KLHL22: variants seen among roughly 807,000 people sequenced by gnomAD.
KLHL22 encodes kelch-like protein 22.
Under a neutral mutation model 60.7 loss-of-function variants are expected in KLHL22, and 18 were observed. That is an observed-to-expected ratio of 0.30 (90% CI 0.20 to 0.44). The LOEUF is 0.44. Ranked by LOEUF, KLHL22 falls within the 20% of genes least tolerant of loss-of-function variation. The pLI, the probability that KLHL22 is intolerant of heterozygous loss-of-function variation, is 1.00. For synonymous variants in KLHL22, 355 were observed against 354.5 expected (o/e 1.00, Z -0.01); for missense variants, 596 against 852.3 (o/e 0.70, Z 3.74).
At chr22:20,494,398 A>G (rs2053737892) in intron 1 of KLHL22, among the ~76,000 whole-genome samples, 1 of 151,686 alleles carries the variant, frequency 6.6e-6, no homozygotes, top group Non-Finnish European at 1.5e-5. Flanking sequence ...TTTTCTTTGT[A>G]GAGAAGAGGT....
At chr22:20,470,226 T>C (rs1052003806) in intron 3 of KLHL22, among the ~76,000 whole-genome samples, 9 of 151,862 alleles carry the variant, frequency 5.9e-5, no homozygotes, top group African/African-American at 4.8e-5. Flanking sequence ...GCACGCATCT[T>C]TAGTCCCAGC....
At chr22:20,479,157 G>A (rs927370692) in intron 2 of KLHL22, among the ~76,000 whole-genome samples, 10 of 151,298 alleles carry the variant, frequency 6.6e-5, no homozygotes, top group Non-Finnish European at 1.0e-4. Context: ...TTTGGCTCAC[G>A]GCAGCCTCAA....
chr22:20,468,773 C>A (rs2053271248), intron 3 of KLHL22, among the ~76,000 whole-genome samples: 1 of 152,130 alleles, frequency 6.6e-6, no homozygotes, highest in Non-Finnish European at 1.5e-5. Context: ...GATTCTCCCA[C>A]CTCAGCCTCC....
chr22:20,485,805 T>C (rs2053575467), intron 2 of KLHL22, among the ~76,000 whole-genome samples: 1 of 151,398 alleles, frequency 6.6e-6, no homozygotes, highest in South Asian at 2.1e-4. Context: ...GAGGCAGAGG[T>C]TGCAGTGAGC....
At chr22:20,494,093 A>C in intron 1 of KLHL22, among the ~76,000 whole-genome samples, 1 of 145,860 alleles carries the variant, frequency 6.9e-6, no homozygotes. Context: ...CCAAAAAAAA[A>C]AGTGCAAAGT....
At chr22:20,483,787 T>C (rs528615525) in intron 2 of KLHL22, 3 of 744,478 alleles carry the variant, frequency 4.0e-6, no homozygotes, top group Non-Finnish European at 7.4e-6. Context: ...CTCTCCAGCT[T>C]CCGGTTCTCG....
At position 20,451,099 on chromosome 22, in the gene KLHL22, C is replaced by T; in HGVS notation, c.1306-4423G>A. On this transcript the variant is annotated intron_variant, in intron 5 of 6. Coordinates refer to ENST00000328879, the MANE Select transcript of KLHL22 (RefSeq NM_032775.4). ...ATGTTATGTGGCCTCAGTGTCCCTA[C>T]ATGACCAGATCTACGTCATTGGTGG... is the stretch of plus-strand genomic sequence containing the variant. 2.7e-6 allele frequency: 4 copies of T among 1,475,208 alleles called. No individual in the cohort carries two copies. The South Asian group carries it at 3.4e-5, about 13-fold the overall frequency. 91.4% of individuals were successfully genotyped at this position (1,475,208 alleles called of 1,614,324 possible).
chr22:20,481,892 C>T (rs562453086), intron 2 of KLHL22: 14 of 152,636 alleles, frequency 9.2e-5, no homozygotes, highest in African/African-American at 3.4e-4. Flanking sequence ...GTGTGAGCCA[C>T]CCTGCCCAGC....
chr22:20,467,816 G>A (rs986335881), intron 3 of KLHL22, among the ~76,000 whole-genome samples: 1 of 152,016 alleles, frequency 6.6e-6, no homozygotes, highest in Non-Finnish European at 1.5e-5. Flanking sequence ...CCGCCACCAC[G>A]CCCGGCTAAT....
At chr22:20,485,741 G>A (rs919910195) in intron 2 of KLHL22, among the ~76,000 whole-genome samples, 4 of 151,908 alleles carry the variant, frequency 2.6e-5, no homozygotes, top group Non-Finnish European at 5.9e-5. Flanking sequence ...GGTGGCACAC[G>A]TCTGTAATCC....
At chr22:20,474,552 C>T (rs903869423) in intron 2 of KLHL22, among the ~76,000 whole-genome samples, 5 of 152,040 alleles carry the variant, frequency 3.3e-5, no homozygotes, top group East Asian at 3.9e-4. Context: ...CCACCATGCC[C>T]GGCTAATTTT....
chr22:20,476,968 T>C (rs1333991529), intron 2 of KLHL22, among the ~76,000 whole-genome samples: 1 of 147,064 alleles, frequency 6.8e-6, no homozygotes, highest in Admixed American at 6.8e-5. Flanking sequence ...CGGCCTCCCA[T>C]AGTGCTGGAT....
chr22:20,480,635 G>GT (rs1335898238), intron 2 of KLHL22, among the ~76,000 whole-genome samples: 1 of 152,064 alleles, frequency 6.6e-6, no homozygotes, highest in Admixed American at 6.6e-5. Flanking sequence ...AGGTTCCAAC[G>GT]TGAGAAATAC....
intron 1 of KLHL22, among the ~76,000 whole-genome samples, chr22:20,492,782 G>C (rs1284873073): frequency 6.6e-6 from 1 of 152,066 alleles, no homozygotes; most frequent in African/African-American, 2.4e-5. Context: ...AGCAGAAATG[G>C]GGTTTCACCA....
In KLHL22 at chr22:20,457,831, A is replaced by T; in HGVS notation, c.1282T>A (p.Tyr428Asn). The T allele has an allele frequency of 6.2e-7, 1 of 1,606,188 alleles. No homozygotes were observed. The highest frequency in any genetic ancestry group is 8.5e-7 in the Non-Finnish European group (1 of 1,176,256). ...RYDPATNSWA[Y>N]VAPLKREVYA... ...ACCTCCCTCTTGAGTGGGGCCACGT[A>T]TGCCCAGGAGTTGGTGGCAGGGTCG... Residue 428 changes from tyrosine to asparagine, a missense_variant, in exon 5 of 7, where the codon TAC (tyrosine) becomes AAC (asparagine). Physicochemically the swap from Tyr to Asn is moderately radical, Grantham distance 143. Transcript: ENST00000328879.
Position 20,495,784 on chromosome 22 carries a change from G to A in KLHL22, c.-58C>T. On this transcript the variant is annotated 5_prime_UTR_variant, in exon 1 of 7. Transcript: ENST00000328879. The surrounding 1 kb of genome is among the most constrained non-coding windows in gnomAD (Gnocchi z 4.6). ...CCTGGTGCCGCCGCCAGCCGAGGCC[G>A]CACTCGCAGCTGGAGGGAGGCGGGA... 1 of 151,504 alleles carries A rather than the reference G, an allele frequency of 6.6e-6. No homozygotes were observed. The highest frequency in any genetic ancestry group is 1.5e-5 in the Non-Finnish European group (1 of 67,684). 9.4% of individuals were successfully genotyped at this position (151,504 alleles called of 1,614,324 possible). A position where few individuals can be genotyped will look rare whatever the true frequency, so the allele number is the denominator to read the frequency against.
chr22:20,461,808 C>A (rs897681803), intron 4 of KLHL22, among the ~76,000 whole-genome samples: 2 of 151,556 alleles, frequency 1.3e-5, no homozygotes, highest in Non-Finnish European at 1.5e-5. Flanking sequence ...ACTAAAAATA[C>A]AAAAAAATGG....
rs188401363 is a variant in KLHL22, at chr22:20,447,310, A to C, written c.1306-634T>G. Reference sequence around the variant, plus strand: ...CGGAACCCACCCACTCACACCCAGCAGGCCAACAGAAGGCCCCAAGGCAAG... The same window carrying C: ...CGGAACCCACCCACTCACACCCAGCCGGCCAACAGAAGGCCCCAAGGCAAG... On this transcript the variant is annotated intron_variant, in intron 5 of 6. Coordinates refer to ENST00000328879, the MANE Select transcript of KLHL22 (RefSeq NM_032775.4). Among the ~76,000 whole-genome samples, 416 of 152,318 alleles carry C rather than the reference A, an allele frequency of 2.7e-3. No homozygotes were observed. The Middle Eastern group carries it at 0.058, about 21-fold the overall frequency.
At chr22:20,472,675 G>A (rs1286766250) in intron 2 of KLHL22, among the ~76,000 whole-genome samples, 2 of 151,438 alleles carry the variant, frequency 1.3e-5, no homozygotes, top group Admixed American at 6.6e-5. Context: ...GCAGTGAGCC[G>A]AGATCACACC....
Sources: gnomAD v4.1 joint callset for allele counts (sites outside exome capture counted in the v4.1 genomes callset) on GRCh38, gnomAD v4.1.1 for gene constraint, Gnocchi (gnomAD v3.1) non-coding constraint, MANE v1.5 for transcripts, NCBI Gene and HGNC (gene_info 2026-07-23, HGNC 2026-07-21) for gene names.